The following PCDH11X variants were observed in gnomAD, a reference collection of about 807,000 sequenced individuals.
The protein encoded by PCDH11X is protocadherin 11 X-linked.
A neutral mutation model predicts 53.3 loss-of-function variants in PCDH11X; 18 were observed. The ratio of observed to expected loss-of-function variants is 0.34; its 90% CI spans 0.23 to 0.50. PCDH11X has a LOEUF of 0.50. PCDH11X is among the 20% of genes least tolerant of loss of function. PCDH11X has a pLI of 0.98. For missense variants in PCDH11X, 570 were observed against 1,032.4 expected (o/e 0.55, Z 6.14); for synonymous variants, 279 against 393.3 (o/e 0.71, Z 3.44).
chrX:92,516,307 AC>A (rs2074267958), intron 10 of PCDH11X, among the ~76,000 whole-genome samples: 1 of 111,747 alleles, frequency 8.9e-6, no homozygotes, highest in African/African-American at 3.3e-5. Flanking sequence ...ACAGGACTAA[AC>A]AAAAGTCTTG....
chrX:91,903,665 G>GTA, intron 6 of PCDH11X, among the ~76,000 whole-genome samples: 1 of 108,123 alleles, frequency 9.2e-6, no homozygotes, highest in East Asian at 2.9e-4. Flanking sequence ...GCGTGTGTGT[G>GTA]TGTGTGTGTG....
At chrX:92,231,892 A>G in intron 7 of PCDH11X, among the ~76,000 whole-genome samples, 1 of 111,947 alleles carries the variant, frequency 8.9e-6, no homozygotes, top group Admixed American at 9.5e-5. Context: ...TACCATGGAC[A>G]GCCTCTTGAG....
At chrX:92,100,813 G>C (rs1014616808) in intron 6 of PCDH11X, among the ~76,000 whole-genome samples, 12 of 110,897 alleles carry the variant, frequency 1.1e-4, no homozygotes, top group African/African-American at 4.0e-4. Context: ...CTTCAAGCGG[G>C]ATCAGGGGCA....
Position 92,387,027 on chromosome X carries a change from A to G in PCDH11X, c.3145-708A>G, listed in dbSNP as rs769650585. The stretch of plus-strand genomic sequence containing the variant: ...TACAAGATCTGGTGAAGATGTTACA[A>G]ACTTCTTCTTTCGGAAACCAAATGC... On this transcript the variant is annotated intron_variant, in intron 8 of 10. Transcript: ENST00000682573. Among the ~76,000 whole-genome samples, 4 of 100,737 alleles carry G rather than the reference A, an allele frequency of 4.0e-5. No individual in the cohort carries two copies. In the Admixed American group the frequency reaches 4.3e-4, roughly 11 times the overall value. 87.5% of individuals were successfully genotyped at this position (100,737 alleles called of 115,157 possible).
At chrX:92,298,919 A>C (rs1259260913) in intron 8 of PCDH11X, among the ~76,000 whole-genome samples, 2 of 111,976 alleles carry the variant, frequency 1.8e-5, no homozygotes, top group African/African-American at 3.2e-5. Context: ...CTAAGTGTGC[A>C]TTCATTTAAA....
At chrX:92,412,375 A>C (rs1223926839) in intron 9 of PCDH11X, among the ~76,000 whole-genome samples, 4 of 107,222 alleles carry the variant, frequency 3.7e-5, no homozygotes, top group Non-Finnish European at 7.7e-5. Flanking sequence ...AGAAATGGCA[A>C]CTTTAAAGTA....
chrX:92,374,973 G>A (rs2070706036), intron 8 of PCDH11X, among the ~76,000 whole-genome samples: 1 of 105,969 alleles, frequency 9.4e-6, no homozygotes, highest in African/African-American at 3.4e-5. Context: ...ATGAATATAT[G>A]GATAAGCAAA....
intron 7 of PCDH11X, among the ~76,000 whole-genome samples, chrX:92,262,102 AT>A (rs1173826303): frequency 9.0e-6 from 1 of 110,634 alleles, no homozygotes; most frequent in Non-Finnish European, 1.9e-5. Context: ...ATAGAAAAAA[AT>A]ATACTTTCTT....
At chrX:92,363,554 G>A (rs868218461) in intron 8 of PCDH11X, among the ~76,000 whole-genome samples, 21 of 97,514 alleles carry the variant, frequency 2.2e-4, no homozygotes, top group Non-Finnish European at 4.0e-4. Flanking sequence ...TTTTTTTTTT[G>A]AATAATCTTT....
chrX:92,109,222 T>C (rs773395501), intron 6 of PCDH11X, among the ~76,000 whole-genome samples: 11 of 110,535 alleles, frequency 1.0e-4, no homozygotes. Flanking sequence ...AATGCAAAAA[T>C]TAGCTGGGCG....
intron 8 of PCDH11X, among the ~76,000 whole-genome samples, chrX:92,345,435 A>C (rs1489012988): frequency 9.1e-6 from 1 of 110,344 alleles, no homozygotes; most frequent in African/African-American, 3.3e-5. Context: ...CCACAGAGAA[A>C]ATGACTTAGA....
Position 92,484,111 on chromosome X carries a change from TATATATA to T in PCDH11X, c.3367+15790_3367+15796del, listed in dbSNP as rs1471424971. On this transcript the variant is annotated intron_variant, in intron 10 of 10. Coordinates refer to ENST00000682573, the MANE Select transcript of PCDH11X (RefSeq NM_032968.5). Reference sequence around the variant, plus strand: ...CTGTGTGTGTGTGTGTGTGTGTGTATATATATAGTATATATATGTATATATGTATGTA... The same window carrying T: ...CTGTGTGTGTGTGTGTGTGTGTGTATGTATATATATGTATATATGTATGTA... 8.6e-3 allele frequency among the ~76,000 whole-genome samples: 656 copies of T among 76,504 alleles called. 4 individuals are homozygous for T. Among genetic ancestry groups the T allele is most frequent in the Middle Eastern group, 0.025 (4 of 163 alleles). 66.4% of individuals were successfully genotyped at this position (76,504 alleles called of 115,157 possible).
intron 5 of PCDH11X, among the ~76,000 whole-genome samples, chrX:91,846,572 C>T (rs1206867216): frequency 9.3e-6 from 1 of 107,160 alleles, no homozygotes; most frequent in Non-Finnish European, 1.9e-5. Flanking sequence ...GAGCCCAGAT[C>T]GCGCCACTGC....
chrX:92,494,962 A>T (rs1187993689), intron 10 of PCDH11X, among the ~76,000 whole-genome samples: 2 of 91,113 alleles, frequency 2.2e-5, no homozygotes, highest in East Asian at 6.9e-4. Context: ...TAAGATGTAA[A>T]CTGAGGCTCA....
chrX:92,017,071 C>T (rs372366178), intron 6 of PCDH11X, among the ~76,000 whole-genome samples: 34 of 100,927 alleles, frequency 3.4e-4, no homozygotes, highest in Non-Finnish European at 5.4e-4. Flanking sequence ...GGCCAGTTCA[C>T]GTCGCAGTCA....
In PCDH11X at chrX:92,221,246, A is replaced by T. The variant is rs996711916; in HGVS notation, c.3114+19791A>T. ...AATAAATAAAAATGAAAAATTGCTC[A>T]TTTTTTTTTTAAAAAAGAAAACATT... On this transcript the variant is annotated intron_variant, in intron 7 of 10. Transcript: ENST00000682573. 1.1e-3 allele frequency among the ~76,000 whole-genome samples: 43 copies of T among 38,288 alleles called. 1 individual carries two copies. The highest frequency in any genetic ancestry group is 3.3e-3 in the Admixed American group (14 of 4,202). 33.2% of individuals were successfully genotyped at this position (38,288 alleles called of 115,157 possible). A position where few individuals can be genotyped will look rare whatever the true frequency, so the allele number is the denominator to read the frequency against.
intron 6 of PCDH11X, among the ~76,000 whole-genome samples, chrX:91,926,492 G>A (rs1331980814): frequency 9.0e-6 from 1 of 111,033 alleles, no homozygotes; most frequent in Non-Finnish European, 1.9e-5. Flanking sequence ...TTTGATGAGG[G>A]TGCTATTTTA....
intron 8 of PCDH11X, among the ~76,000 whole-genome samples, chrX:92,329,275 G>A (rs915341503): frequency 1.8e-5 from 2 of 111,283 alleles, no homozygotes; most frequent in African/African-American, 6.5e-5. Context: ...AGGACTAGAA[G>A]AGAAGCGTTG....
chrX:91,829,030 T>C (rs1332771150), intron 4 of PCDH11X, among the ~76,000 whole-genome samples: 2 of 110,337 alleles, frequency 1.8e-5, no homozygotes, highest in Admixed American at 9.6e-5. Flanking sequence ...ATAAATTAAG[T>C]CATGCTAGAA....
Sources: gnomAD v4.1 joint callset for allele counts (sites outside exome capture counted in the v4.1 genomes callset) on GRCh38, gnomAD v4.1.1 for gene constraint, MANE v1.5 for transcripts, NCBI Gene and HGNC (gene_info 2026-07-23, HGNC 2026-07-21) for gene names.